P3H2: variants seen among roughly 807,000 people sequenced by gnomAD.
P3H2 encodes leprecan-like 1.
Under a neutral mutation model 87.0 loss-of-function variants are expected in P3H2, and 80 were observed. The observed-to-expected ratio is 0.92, with a 90% CI of 0.77 to 1.11. The LOEUF (loss-of-function observed/expected upper bound fraction) is 1.11, where lower values mean the gene tolerates loss of function less well. Among genes scored for constraint, P3H2 ranks in the 50% least tolerant of loss-of-function variants. The pLI is 0.00. For missense variants in P3H2, 1,001 were observed against 923.9 expected (o/e 1.08, Z -1.08); for synonymous variants, 367 against 359.3 (o/e 1.02, Z -0.24).
intron 1 of P3H2, among the ~76,000 whole-genome samples, chr3:190,098,779 G>T (rs767028840): frequency 1.3e-5 from 2 of 152,106 alleles, no homozygotes. Flanking sequence ...TTTGATTTAG[G>T]TGTATTTCGC....
rs567749127 is a variant in P3H2, at chr3:190,071,658, T to G, written c.480+48594A>C. ...GGGTTTTTCCTAGGCACATACATAT[T>G]GAAATCAAAAAGAAAAAGCTGCAGA... is the stretch of plus-strand genomic sequence containing the variant. On this transcript the variant is annotated intron_variant, in intron 1 of 14. Coordinates refer to ENST00000319332, the MANE Select transcript of P3H2 (RefSeq NM_018192.4). 7.9e-5 allele frequency among the ~76,000 whole-genome samples: 12 copies of G among 152,268 alleles called. No homozygotes were observed. In the South Asian group the frequency reaches 2.1e-3, roughly 26 times the overall value.
At position 190,120,369 on chromosome 3, in the gene P3H2, G is replaced by A. The variant is rs1013521621; in HGVS notation, c.363C>T (p.Arg121=). 4 of 1,554,136 alleles carry A rather than the reference G, an allele frequency of 2.6e-6. No individual in the cohort carries two copies. The highest frequency in any genetic ancestry group is 1.7e-6 in the Non-Finnish European group (2 of 1,155,570). ...RSLLGRARCY[R]SCETQRLGGP... is the part of the protein sequence containing the mutation. ...CCCCGAGGCGCTGGGTCTCACAGCT[G>A]CGATAACAGCGCGCCCGCCCCAACA... is the stretch of plus-strand genomic sequence containing the variant. The change falls in exon 1 of 15, where the codon CGC becomes CGT. Residue 121 remains arginine, a synonymous_variant. Coordinates refer to ENST00000319332, the MANE Select transcript of P3H2 (RefSeq NM_018192.4).
chr3:190,080,796 T>C (rs1362444079), intron 1 of P3H2, among the ~76,000 whole-genome samples: 3 of 152,142 alleles, frequency 2.0e-5, no homozygotes, highest in Admixed American at 1.3e-4. Flanking sequence ...GAAAAACATA[T>C]GGCAACATCT....
At chr3:189,995,973 G>A (rs1021228262) in intron 1 of P3H2, among the ~76,000 whole-genome samples, 2 of 152,166 alleles carry the variant, frequency 1.3e-5, no homozygotes, top group Non-Finnish European at 2.9e-5. Flanking sequence ...TGTTGACAAG[G>A]AAGTGGAGAA....
At chr3:190,114,141 G>A (rs1490778381) in intron 1 of P3H2, among the ~76,000 whole-genome samples, 1 of 150,754 alleles carries the variant, frequency 6.6e-6, no homozygotes, top group African/African-American at 2.4e-5. Flanking sequence ...GACTAACCAT[G>A]GGAGAATACT....
At position 190,120,655 on chromosome 3, in the gene P3H2, G is replaced by T; in HGVS notation, c.77C>A (p.Pro26His). 1.3e-6 allele frequency: 2 copies of T among 1,525,214 alleles called. No homozygotes were observed. Among genetic ancestry groups the T allele is most frequent in the Non-Finnish European group, 1.7e-6 (2 of 1,143,360 alleles). The allele number at this position is 1,525,214 out of a possible 1,614,324, so 94.5% of individuals were successfully genotyped here. A position where few individuals can be genotyped will look rare whatever the true frequency, so the allele number is the denominator to read the frequency against. Residue 26 changes from proline (P) to histidine (H), a missense_variant, in exon 1 of 15, where the codon CCC (proline) becomes CAC (histidine). Pro to His is a moderately conservative substitution (Grantham distance 77). Transcript: ENST00000319332. ...LLLPPPLWGG[P>H]PDSPRRELEL... is the part of the protein sequence containing the mutation. ...CAGCTCCCGGCGTGGGCTGTCCGGGGGGCCGCCCCACAGTGGCGGCGGCAG... is the reference window on the plus strand; with the variant it reads ...CAGCTCCCGGCGTGGGCTGTCCGGGTGGCCGCCCCACAGTGGCGGCGGCAG...
intron 7 of P3H2, 137 bp from the exon 8 acceptor site, chr3:189,983,277 C>A: frequency 1.5e-6 from 1 of 672,910 alleles, no homozygotes; most frequent in Non-Finnish European, 2.6e-6. Context: ...CTTTTAAAGT[C>A]AAATTAAATG....
chr3:189,986,044 C>T (rs900585173), intron 6 of P3H2, among the ~76,000 whole-genome samples: 2 of 152,066 alleles, frequency 1.3e-5, no homozygotes, highest in South Asian at 2.1e-4. Flanking sequence ...CATGGAAAAG[C>T]GGAGTGAAGT....
Position 190,021,436 on chromosome 3 carries a change from G to A in P3H2, c.481-25994C>T, listed in dbSNP as rs1230046657. On this transcript the variant is annotated intron_variant, in intron 1 of 14. Transcript: ENST00000319332. ...CTTCCTTTTTTCAATTTTTTGTTCT[G>A]TAACAAATAGATTTTCAACAATGTT... Among the ~76,000 whole-genome samples, 3 of 133,984 alleles carry A rather than the reference G, an allele frequency of 2.2e-5. 1 individual carries two copies. Among genetic ancestry groups the A allele is most frequent in the Non-Finnish European group, 5.0e-5 (3 of 60,082 alleles). 87.9% of individuals were successfully genotyped at this position (133,984 alleles called of 152,430 possible).
intron 13 of P3H2, among the ~76,000 whole-genome samples, chr3:189,967,586 C>G (rs1723042253): frequency 1.3e-5 from 2 of 151,526 alleles, no homozygotes; most frequent in Admixed American, 1.3e-4. Flanking sequence ...TTCCTACACT[C>G]AAGCTTTCCC....
At chr3:190,070,887 C>T (rs76391610) in intron 1 of P3H2, among the ~76,000 whole-genome samples, 340 of 152,220 alleles carry the variant, frequency 2.2e-3, no homozygotes, top group African/African-American at 7.9e-3. Context: ...TTAGCTGACC[C>T]GACCAGAACA....
intron 1 of P3H2, among the ~76,000 whole-genome samples, chr3:189,998,752 T>G (rs1724124069): frequency 1.3e-5 from 2 of 152,234 alleles, no homozygotes; most frequent in African/African-American, 4.8e-5. Flanking sequence ...GCTTCATGAA[T>G]TATAAGGCAG....
chr3:190,038,642 C>T (rs1725501493), intron 1 of P3H2, among the ~76,000 whole-genome samples: 1 of 152,090 alleles, frequency 6.6e-6, no homozygotes, highest in Non-Finnish European at 1.5e-5. Context: ...GAAAGTTGGT[C>T]CCCTAGGATG....
intron 1 of P3H2, among the ~76,000 whole-genome samples, chr3:190,067,585 T>C (rs1386709115): frequency 6.6e-6 from 1 of 152,152 alleles, no homozygotes; most frequent in African/African-American, 2.4e-5. Context: ...CACTCTCTGG[T>C]ATATTAATTT....
intron 14 of P3H2, chr3:189,963,750 T>C: frequency 1.7e-6 from 1 of 604,026 alleles, no homozygotes; most frequent in South Asian, 1.9e-5. Flanking sequence ...AGCCTTACAA[T>C]TTGTTAATAA....
Position 189,956,742 on chromosome 3 carries a change from C to T in P3H2, c.*1170G>A, listed in dbSNP as rs1722638867. 1 of 177,136 alleles carries T rather than the reference C, an allele frequency of 5.6e-6. No homozygotes were observed. The highest frequency in any genetic ancestry group is 6.3e-5 in the Admixed American group (1 of 15,968). The allele number at this position is 177,136 out of a possible 1,614,324, so 11.0% of individuals were successfully genotyped here. On this transcript the variant is annotated 3_prime_UTR_variant, in exon 15 of 15. Transcript: ENST00000319332. ...AATGCCAGATATTAAAATAAGCCTC[C>T]CTTTATTAAACAAATCAGACACAAG...
At chr3:190,075,646 G>A (rs536907160) in intron 1 of P3H2, among the ~76,000 whole-genome samples, 2 of 152,232 alleles carry the variant, frequency 1.3e-5, no homozygotes, top group East Asian at 3.9e-4. Context: ...CTGGAGAAGT[G>A]CCTTGAAAAC....
At chr3:190,091,285 T>C (rs1011373398) in intron 1 of P3H2, among the ~76,000 whole-genome samples, 1 of 152,244 alleles carries the variant, frequency 6.6e-6, no homozygotes, top group Non-Finnish European at 1.5e-5. Flanking sequence ...TGGTCTGATA[T>C]AAAGCATTCA....
intron 1 of P3H2, among the ~76,000 whole-genome samples, chr3:190,019,369 TGAGA>T (rs1387361416): frequency 2.0e-5 from 3 of 152,214 alleles, no homozygotes; most frequent in Non-Finnish European, 4.4e-5. Flanking sequence ...TCAGAATACC[TGAGA>T]GAGTTTAAAT....
Sources: allele counts gnomAD v4.1 joint callset (sites outside exome capture counted in the v4.1 genomes callset), GRCh38; gene constraint gnomAD v4.1.1; transcripts MANE v1.5; gene names NCBI Gene and HGNC (gene_info 2026-07-23, HGNC 2026-07-21).